ZEB1: variants seen among roughly 807,000 people sequenced by gnomAD.
ZEB1 encodes zinc finger E-box-binding homeobox 1.
ZEB1 carries 21 observed loss-of-function variants against 84.9 expected under a neutral mutation model. That is an observed-to-expected ratio of 0.25 (90% CI 0.18 to 0.36). The LOEUF is 0.36. Ranked by LOEUF, ZEB1 falls within the 10% of genes least tolerant of loss-of-function variation. The probability of loss-of-function intolerance (pLI) is 1.00; values close to 1 mark genes in which losing one functional copy is unlikely to be tolerated. For synonymous variants in ZEB1, 420 were observed against 471.1 expected (o/e 0.89, Z 1.41); for missense variants, 1,104 against 1,330.2 (o/e 0.83, Z 2.65).
intron 3 of ZEB1, among the ~76,000 whole-genome samples, chr10:31,499,104 G>A (rs545985736): frequency 1.2e-3 from 185 of 151,904 alleles, no homozygotes; most frequent in African/African-American, 4.2e-3. Flanking sequence ...CTTCAATTTT[G>A]TTGAAAACAA....
chr10:31,352,999 G>T (rs1408013794), intron 1 of ZEB1, among the ~76,000 whole-genome samples: 4 of 152,124 alleles, frequency 2.6e-5, no homozygotes, highest in African/African-American at 9.7e-5. Context: ...GCTGAGCATG[G>T]GTATTTGCCA....
intron 4 of ZEB1, among the ~76,000 whole-genome samples, chr10:31,504,841 T>G (rs2068707439): frequency 1.3e-5 from 2 of 152,012 alleles, no homozygotes; most frequent in Admixed American, 1.3e-4. Flanking sequence ...AGATTGCAGT[T>G]TTTTGGTTGT....
chr10:31,322,497 G>A (rs1300530732), intron 1 of ZEB1, among the ~76,000 whole-genome samples: 1 of 152,080 alleles, frequency 6.6e-6, no homozygotes, highest in Non-Finnish European at 1.5e-5. Context: ...TTCCTTTCTG[G>A]AATATGTCTG....
chr10:31,474,927 TGGAAATC>T (rs2063858510), intron 2 of ZEB1, among the ~76,000 whole-genome samples: 2 of 151,914 alleles, frequency 1.3e-5, no homozygotes, highest in South Asian at 2.1e-4. Context: ...TGGATGAAAT[TGGAAATC>T]ATCATTCTCA....
intron 2 of ZEB1, among the ~76,000 whole-genome samples, chr10:31,475,618 A>T (rs561407396): frequency 6.9e-4 from 105 of 152,316 alleles, no homozygotes; most frequent in African/African-American, 2.4e-3. Flanking sequence ...CTTGTAAAAC[A>T]TAAGAGATTA....
intron 2 of ZEB1, among the ~76,000 whole-genome samples, chr10:31,470,212 A>G (rs1207917708): frequency 1.3e-5 from 2 of 152,216 alleles, no homozygotes; most frequent in Non-Finnish European, 2.9e-5. Context: ...AGCTGGACGG[A>G]GAACGACTTT....
intron 1 of ZEB1, chr10:31,321,401 T>G: frequency 1.2e-6 from 2 of 1,601,042 alleles, no homozygotes; most frequent in Non-Finnish European, 1.7e-6. Context: ...GTATTCTCAT[T>G]GTGGAGAGAT....
In ZEB1 at chr10:31,377,738, A is replaced by C. The variant is rs144255236; in HGVS notation, c.58+58446A>C. Among the ~76,000 whole-genome samples the C allele has an allele frequency of 2.4e-4, 37 of 151,912 alleles. No individual in the cohort carries two copies. In the East Asian group the frequency reaches 6.7e-3, roughly 28 times the overall value. On this transcript the variant is annotated intron_variant, in intron 1 of 8. Transcript: ENST00000424869. The stretch of plus-strand genomic sequence containing the variant: ...CACAAGGGAAACATGAAATTCCTTT[A>C]GTGTGCCTCATTTTCAGACATTTTC...
At chr10:31,446,574 A>G (rs1417808418) in intron 1 of ZEB1, among the ~76,000 whole-genome samples, 3 of 149,882 alleles carry the variant, frequency 2.0e-5, no homozygotes, top group East Asian at 2.0e-4. Context: ...CCCTCTACAC[A>G]CTGCTTTGAA....
chr10:31,489,888 C>G (rs1371988538), intron 2 of ZEB1, among the ~76,000 whole-genome samples: 1 of 151,422 alleles, frequency 6.6e-6, no homozygotes, highest in Non-Finnish European at 1.5e-5. Flanking sequence ...TCTTTTAGAA[C>G]AGATCTGCCA....
intron 2 of ZEB1, among the ~76,000 whole-genome samples, chr10:31,494,573 T>A (rs2138977364): frequency 6.6e-6 from 1 of 152,106 alleles, no homozygotes; most frequent in African/African-American, 2.4e-5. Context: ...GAAATCTCAA[T>A]CAAGACTTTT....
intron 1 of ZEB1, among the ~76,000 whole-genome samples, chr10:31,324,169 A>G (rs2034895766): frequency 6.6e-6 from 1 of 152,004 alleles, no homozygotes; most frequent in African/African-American, 2.4e-5. Context: ...TTATAAATTG[A>G]AAATATTAAT....
chr10:31,439,605 C>A (rs190052022), intron 1 of ZEB1, among the ~76,000 whole-genome samples: 6 of 141,422 alleles, frequency 4.2e-5, no homozygotes, highest in Admixed American at 3.0e-4. Flanking sequence ...GATAATCAAT[C>A]AATAAGATAT....
rs551915194 is a variant in ZEB1 at position 31,527,319 on chromosome 10, TATC to T, written c.*56_*58del. ...ATTGATAATGAATTTCGTTCAATATTATCCTTGCTTTTCATGGAAACACAGTAA... is the reference window on the plus strand; with the variant it reads ...ATTGATAATGAATTTCGTTCAATATTCTTGCTTTTCATGGAAACACAGTAA... On this transcript the variant is annotated 3_prime_UTR_variant, in exon 9 of 9. Coordinates refer to ENST00000424869, the MANE Select transcript of ZEB1 (RefSeq NM_001174096.2). The T allele has an allele frequency of 1.2e-3, 1,846 of 1,547,138 alleles. 6 individuals are homozygous for T. Among genetic ancestry groups the T allele is most frequent in the Non-Finnish European group, 1.4e-3 (1,642 of 1,150,532 alleles).
chr10:31,449,579 A>T (rs1232345804), intron 1 of ZEB1, among the ~76,000 whole-genome samples: 1 of 151,706 alleles, frequency 6.6e-6, no homozygotes, highest in Non-Finnish European at 1.5e-5. Flanking sequence ...TAAATAATGC[A>T]TTTTCCCCCC....
intron 1 of ZEB1, chr10:31,360,856 C>T: frequency 2.2e-6 from 2 of 907,910 alleles, no homozygotes; most frequent in Non-Finnish European, 1.8e-6. Context: ...TTTGCATTTA[C>T]TAGTGCCACA....
At chr10:31,380,294 C>T (rs1470858693) in intron 1 of ZEB1, among the ~76,000 whole-genome samples, 5 of 152,096 alleles carry the variant, frequency 3.3e-5, no homozygotes, top group Non-Finnish European at 7.4e-5. Flanking sequence ...CCTGTAGCCT[C>T]TGAATTTCCT....
Position 31,324,598 on chromosome 10 carries a change from T to A in ZEB1, c.58+5306T>A, listed in dbSNP as rs143964654. On this transcript the variant is annotated intron_variant, in intron 1 of 8. Coordinates refer to ENST00000424869, the MANE Select transcript of ZEB1 (RefSeq NM_001174096.2). ...AGAGTACAGCGAGAGGTTAGAAAAC[T>A]TGAAGCTGTAGAAATAGGATTGAAA... Among the ~76,000 whole-genome samples the A allele has an allele frequency of 1.1e-3, 160 of 152,170 alleles. 1 individual carries two copies. The highest frequency in any genetic ancestry group is 3.7e-3 in the African/African-American group (155 of 41,564).
At chr10:31,449,134 A>C (rs369123742) in intron 1 of ZEB1, among the ~76,000 whole-genome samples, 1 of 152,212 alleles carries the variant, frequency 6.6e-6, no homozygotes, top group Non-Finnish European at 1.5e-5. Context: ...TTTTTAAGCC[A>C]GTCTGAAAAG....
Sources: gnomAD v4.1 joint callset for allele counts (sites outside exome capture counted in the v4.1 genomes callset) on GRCh38, gnomAD v4.1.1 for gene constraint, MANE v1.5 for transcripts, NCBI Gene and HGNC (gene_info 2026-07-23, HGNC 2026-07-21) for gene names.